DLST: variants seen among roughly 807,000 people sequenced by gnomAD.
The protein encoded by DLST is dihydrolipoamide S-succinyltransferase.
A neutral mutation model predicts 53.1 loss-of-function variants in DLST; 17 were observed. The ratio of observed to expected loss-of-function variants is 0.32; its 90% CI spans 0.22 to 0.48. DLST has a LOEUF of 0.48. Among genes scored for constraint, DLST ranks in the 20% least tolerant of loss-of-function variants. The probability of loss-of-function intolerance (pLI) is 0.99; values close to 1 mark genes in which losing one functional copy is unlikely to be tolerated. For synonymous variants in DLST, 206 were observed against 204.8 expected, an observed-to-expected ratio of 1.01 and a Z score of -0.05; for missense variants, 512 against 583.9, an observed-to-expected ratio of 0.88 and a Z score of 1.27.
At chr14:74,891,966 A>C in intron 7 of DLST, 1 of 546,426 alleles carries the variant, frequency 1.8e-6, no homozygotes, top group Non-Finnish European at 2.3e-6. Flanking sequence ...TAATGTCCAG[A>C]TGGGTGAAAA....
In DLST at chr14:74,900,071, G is replaced by A. The variant is rs894494158; in HGVS notation, c.975+75G>A. 2.3e-6 allele frequency: 3 copies of A among 1,289,480 alleles called. No homozygotes were observed. The African/African-American group carries it at 4.5e-5, about 19-fold the overall frequency. 79.9% of individuals were successfully genotyped at this position (1,289,480 alleles called of 1,614,324 possible). A position where few individuals can be genotyped will look rare whatever the true frequency, so the allele number is the denominator to read the frequency against. On this transcript the variant is annotated intron_variant, in intron 12 of 14. Transcript: ENST00000334220. ...TCTGTGTGAAGGAGATCACACAAGAGAAATCATTTCTTTAATTCTGTATTT... is the reference window on the plus strand; with the variant it reads ...TCTGTGTGAAGGAGATCACACAAGAAAAATCATTTCTTTAATTCTGTATTT...
intron 10 of DLST, among the ~76,000 whole-genome samples, chr14:74,895,714 A>G (rs754682201): frequency 4.6e-5 from 7 of 152,162 alleles, no homozygotes; most frequent in Non-Finnish European, 8.8e-5. Flanking sequence ...AGCCTGGCCA[A>G]CGTGGTGAAA....
intron 3 of DLST, 25 bp downstream of exon 3, chr14:74,885,659 T>TA (rs750855393): frequency 6.3e-7 from 1 of 1,589,870 alleles, no homozygotes; most frequent in African/African-American, 1.4e-5. Flanking sequence ...GGAGTACAGA[T>TA]ATGTGGCCAC....
Position 74,902,542 on chromosome 14 carries a change from G to A in DLST, c.*212G>A, listed in dbSNP as rs1195634971. The A allele has an allele frequency of 6.5e-6, 3 of 463,502 alleles. No homozygotes were observed. Among genetic ancestry groups the A allele is most frequent in the South Asian group, 5.1e-5 (1 of 19,418 alleles). 28.7% of individuals were successfully genotyped at this position (463,502 alleles called of 1,614,324 possible). A position where few individuals can be genotyped will look rare whatever the true frequency, so the allele number is the denominator to read the frequency against. On this transcript the variant is annotated 3_prime_UTR_variant, in exon 15 of 15. Coordinates refer to ENST00000334220, the MANE Select transcript of DLST (RefSeq NM_001933.5). Reference sequence around the variant, plus strand: ...CTCTCTGCACCTGTCTCATAGCCTCGAATATCTTAATTCCTTAGGCTTAAG... The same window carrying A: ...CTCTCTGCACCTGTCTCATAGCCTCAAATATCTTAATTCCTTAGGCTTAAG...
chr14:74,894,163 C>A, intron 9 of DLST, 149 bp from the exon 10 acceptor site: 1 of 880,008 alleles, frequency 1.1e-6, no homozygotes, highest in Non-Finnish European at 1.7e-6. Context: ...AAAGGGCCAC[C>A]ACAGGAAAGG....
intron 10 of DLST, among the ~76,000 whole-genome samples, chr14:74,895,164 T>C (rs1257896000): frequency 6.6e-6 from 1 of 152,166 alleles, no homozygotes; most frequent in Non-Finnish European, 1.5e-5. Flanking sequence ...CACTTACATA[T>C]TTTCCTAAGT....
chr14:74,900,467 C>T, intron 13 of DLST, 95 bp downstream of exon 13: 1 of 1,075,932 alleles, frequency 9.3e-7, no homozygotes, highest in South Asian at 1.3e-5. Context: ...CATGGAAAGT[C>T]AAGTGCATAG....
intron 11 of DLST, 66 bp downstream of exon 11, chr14:74,898,565 C>T: frequency 6.5e-7 from 1 of 1,541,152 alleles, no homozygotes; most frequent in Non-Finnish European, 8.8e-7. Flanking sequence ...AGACCTGCTC[C>T]CACATGCAGA....
At position 74,898,924 on chromosome 14, in the gene DLST, C is replaced by T. The variant is rs576902108; in HGVS notation, c.901+425C>T. ...GGTCGATGGGCCTCACTGGGAGCTT[C>T]GGCTTGGCCTCTCATGGACCTGGTG... On this transcript the variant is annotated intron_variant, in intron 11 of 14. Coordinates refer to ENST00000334220, the MANE Select transcript of DLST (RefSeq NM_001933.5). Among the ~76,000 whole-genome samples the T allele has an allele frequency of 7.2e-5, 11 of 152,354 alleles. 1 individual carries two copies. The South Asian group carries it at 1.0e-3, about 14-fold the overall frequency.
chr14:74,894,210 T>TCTACTCG, intron 9 of DLST, 102 bp from the exon 10 acceptor site: 5 of 1,389,880 alleles, frequency 3.6e-6, no homozygotes, highest in Non-Finnish European at 5.0e-6. Flanking sequence ...ACTGTAGTCC[T>TCTACTCG]TGGCCATCTA....
rs1356347816 is a variant in DLST, at chr14:74,892,869, G to A, written c.478G>A (p.Ala160Thr). The change falls in exon 8 of 15, where the codon GCT becomes ACT. Residue 160 changes from alanine (A) to threonine (T), a missense_variant. By Grantham distance (58) the Ala-to-Thr change is moderately conservative. Around this residue, in one of 4 missense-constraint regions of DLST, gnomAD observed 162 missense variants for 162.0 expected, o/e 1.00. Transcript: ENST00000334220. ...PAKAKPAEAP[A>T]AAAPKAEPTA... ...TAAGGCCAAGCCGGCTGAAGCTCCT[G>A]CTGCTGCAGCCCCAAAAGCAGAACC... The A allele has an allele frequency of 6.2e-7, 1 of 1,613,734 alleles. No homozygotes were observed. Among genetic ancestry groups the A allele is most frequent in the South Asian group, 1.1e-5 (1 of 91,036 alleles).
intron 10 of DLST, among the ~76,000 whole-genome samples, chr14:74,896,499 G>C (rs1282063101): frequency 6.6e-6 from 1 of 152,144 alleles, no homozygotes; most frequent in African/African-American, 2.4e-5. Flanking sequence ...CTTTGGAAAG[G>C]GTTTGAAAAA....
At chr14:74,901,861 T>A (rs201549738) in intron 14 of DLST, among the ~76,000 whole-genome samples, 15 of 137,172 alleles carry the variant, frequency 1.1e-4, no homozygotes, top group East Asian at 2.1e-4. Context: ...TTTTTTTTTT[T>A]AAATTCTAAC....
intron 6 of DLST, among the ~76,000 whole-genome samples, chr14:74,890,591 A>G (rs1400161602): frequency 6.6e-6 from 1 of 152,240 alleles, no homozygotes; most frequent in Admixed American, 6.5e-5. Context: ...GAGAAAGGAC[A>G]GAAAGTGAAT....
chr14:74,895,780 A>T (rs930945349), intron 10 of DLST, among the ~76,000 whole-genome samples: 2 of 152,138 alleles, frequency 1.3e-5, no homozygotes, highest in African/African-American at 4.8e-5. Flanking sequence ...TATGCCTGTA[A>T]TCCCAGCTAC....
At chr14:74,898,190 C>G (rs2140201091) in intron 10 of DLST, among the ~76,000 whole-genome samples, 179 bp from the exon 11 acceptor site, 1 of 152,136 alleles carries the variant, frequency 6.6e-6, no homozygotes, top group Non-Finnish European at 1.5e-5. Context: ...CTGTAGATTT[C>G]TTTGTAAAAG....
chr14:74,895,477 T>C (rs1416336482), intron 10 of DLST, among the ~76,000 whole-genome samples: 2 of 152,194 alleles, frequency 1.3e-5, no homozygotes, highest in Non-Finnish European at 2.9e-5. Context: ...GGATAGACGC[T>C]GGGCACCATG....
At chr14:74,885,728 C>T in intron 3 of DLST, 94 bp downstream of exon 3, 2 of 1,183,360 alleles carry the variant, frequency 1.7e-6, no homozygotes, top group Non-Finnish European at 2.4e-6. Context: ...CTTCACTGGC[C>T]TCCAGACCTA....
chr14:74,882,999 A>G (rs1883581619), intron 2 of DLST, among the ~76,000 whole-genome samples: 1 of 152,234 alleles, frequency 6.6e-6, no homozygotes, highest in Non-Finnish European at 1.5e-5. Context: ...AGGTGACTTA[A>G]AAGTTATGGC....
Sources: allele counts gnomAD v4.1 joint callset (sites outside exome capture counted in the v4.1 genomes callset), GRCh38; gene constraint gnomAD v4.1.1; regional missense constraint gnomAD v4.1.1; transcripts MANE v1.5; gene names NCBI Gene and HGNC (gene_info 2026-07-23, HGNC 2026-07-21).